The following MAL2 variants were observed in gnomAD, a reference collection of about 807,000 sequenced individuals.
MAL2 encodes the protein protein MAL2.
In MAL2, 17 loss-of-function variants were observed where a neutral mutation model predicts 18.1. The observed-to-expected ratio is 0.94, with a 90% CI of 0.64 to 1.41. The LOEUF (loss-of-function observed/expected upper bound fraction) is 1.41, where lower values mean the gene tolerates loss of function less well. Among genes scored for constraint, MAL2 ranks in the 40% most tolerant of loss-of-function variants. The pLI is 0.00. For synonymous variants in MAL2, 102 were observed against 102.3 expected, an observed-to-expected ratio of 1.00 and a Z score of 0.02; for missense variants, 222 against 231.9, an observed-to-expected ratio of 0.96 and a Z score of 0.28.
chr8:119,235,366 A>G (rs1817859010), intron 2 of MAL2, among the ~76,000 whole-genome samples: 1 of 152,214 alleles, frequency 6.6e-6, no homozygotes, highest in African/African-American at 2.4e-5. Flanking sequence ...ACCAAGTTGG[A>G]AAACACTACA....
intron 2 of MAL2, among the ~76,000 whole-genome samples, chr8:119,235,730 G>A (rs1200167917): frequency 6.7e-6 from 1 of 149,432 alleles, no homozygotes; most frequent in African/African-American, 2.6e-5. Context: ...ATACTTTACA[G>A]ACAAGCAAAT....
At chr8:119,220,570 C>T (rs1817446490) in intron 1 of MAL2, among the ~76,000 whole-genome samples, 1 of 152,190 alleles carries the variant, frequency 6.6e-6, no homozygotes, top group Non-Finnish European at 1.5e-5. Context: ...AGTTCAGTTC[C>T]TTGGCCCGAG....
At chr8:119,237,100 AG>A (rs1159021425) in intron 2 of MAL2, among the ~76,000 whole-genome samples, 2 of 152,204 alleles carry the variant, frequency 1.3e-5, no homozygotes, top group African/African-American at 4.8e-5. Context: ...AAAATGACAA[AG>A]GGGATATCAG....
At chr8:119,240,942 A>G (rs1368127567) in intron 3 of MAL2, among the ~76,000 whole-genome samples, 3 of 151,782 alleles carry the variant, frequency 2.0e-5, no homozygotes, top group African/African-American at 7.3e-5. Context: ...TGTGTAGATA[A>G]TTTGAGGAAA....
intron 1 of MAL2, chr8:119,221,026 A>G (rs1817454394): frequency 1.3e-5 from 2 of 152,908 alleles, no homozygotes; most frequent in African/African-American, 2.4e-5. Flanking sequence ...ACTTATTCCT[A>G]TGTCGAACAC....
At chr8:119,224,258 A>G (rs1817534373) in intron 2 of MAL2, 1 of 152,216 alleles carries the variant, frequency 6.6e-6, no homozygotes, top group East Asian at 1.9e-4. Flanking sequence ...GCCTCATTCT[A>G]TTCTGGGAAA....
intron 1 of MAL2, among the ~76,000 whole-genome samples, chr8:119,211,678 A>G (rs1272012542): frequency 6.7e-6 from 1 of 149,642 alleles, no homozygotes; most frequent in Non-Finnish European, 1.5e-5. Flanking sequence ...AGAATATTAC[A>G]ATCTCACGTG....
chr8:119,215,587 G>C (rs1005528499), intron 1 of MAL2: 1 of 152,208 alleles, frequency 6.6e-6, no homozygotes, highest in African/African-American at 2.4e-5. Context: ...GTCAGTAACC[G>C]TGGAAGCACC....
intron 2 of MAL2, among the ~76,000 whole-genome samples, chr8:119,236,024 T>A (rs1817880418): frequency 1.8e-5 from 1 of 54,164 alleles, no homozygotes; most frequent in Admixed American, 2.2e-4. Flanking sequence ...TCAAGACCCA[T>A]CAGTGTGCTG....
intron 1 of MAL2, among the ~76,000 whole-genome samples, chr8:119,220,447 T>G (rs1236249246): frequency 6.6e-6 from 1 of 152,192 alleles, no homozygotes. Context: ...CATCCACCCT[T>G]TCCTCCCCAG....
At chr8:119,218,217 G>A (rs1366229013) in intron 1 of MAL2, among the ~76,000 whole-genome samples, 3 of 151,992 alleles carry the variant, frequency 2.0e-5, no homozygotes, top group African/African-American at 7.3e-5. Context: ...GTGAGAGAGA[G>A]GGGGCATTCC....
chr8:119,231,099 T>A (rs533487406), intron 2 of MAL2, among the ~76,000 whole-genome samples: 64 of 152,318 alleles, frequency 4.2e-4, no homozygotes, highest in African/African-American at 1.5e-3. Flanking sequence ...TGATGCAGTC[T>A]TGGCTCACTG....
At chr8:119,213,875 C>T (rs1181920159) in intron 1 of MAL2, among the ~76,000 whole-genome samples, 1 of 151,912 alleles carries the variant, frequency 6.6e-6, no homozygotes, top group Admixed American at 6.6e-5. Flanking sequence ...GAAAATAAAC[C>T]AATGCCCCTG....
At chr8:119,209,360 G>T (rs1235001058) in intron 1 of MAL2, among the ~76,000 whole-genome samples, 3 of 152,108 alleles carry the variant, frequency 2.0e-5, no homozygotes, top group African/African-American at 7.2e-5. Context: ...AGCACACTTT[G>T]TTGGGCCCAA....
Position 119,218,276 on chromosome 8 carries a change from A to G in MAL2, c.133-3311A>G, listed in dbSNP as rs183609761. Among the ~76,000 whole-genome samples the G allele has an allele frequency of 1.4e-3, 220 of 152,238 alleles. 1 individual carries two copies. The highest frequency in any genetic ancestry group is 2.6e-3 in the Non-Finnish European group (178 of 68,018). ...CCATGCAGCACATACCCCACAAGTG[A>G]GGAGGTGAATCTGACTCCTGTTCAT... On this transcript the variant is annotated intron_variant, in intron 1 of 3. Transcript: ENST00000614891.
chr8:119,230,375 T>TGAAACCACAATTTAATTCA (rs1357026017), intron 2 of MAL2, among the ~76,000 whole-genome samples: 14 of 150,916 alleles, frequency 9.3e-5, no homozygotes, highest in Non-Finnish European at 1.8e-4. Flanking sequence ...AGGAAAGCCT[T>TGAAACCACAATTTAATTCA]GAAACCACAA....
At chr8:119,222,539 A>G (rs1009277707) in intron 2 of MAL2, among the ~76,000 whole-genome samples, 2 of 150,744 alleles carry the variant, frequency 1.3e-5, no homozygotes, top group Admixed American at 1.3e-4. Flanking sequence ...AAAAAAAAAG[A>G]ATTTGTGACC....
At position 119,240,218 on chromosome 8, in the gene MAL2, G is replaced by T; in HGVS notation, c.357G>T (p.Leu119Phe). ...VFVFYFGAFL[L>F]EAAATSLHDL... ...TCTTCTATTTTGGAGCCTTTTTATT[G>T]GAAGCAGCAGCCACATCCCTGCATG... Residue 119 changes from leucine (L) to phenylalanine (F), a missense_variant, in exon 3 of 4, where the codon TTG (leucine) becomes TTT (phenylalanine). Coordinates refer to ENST00000614891, the MANE Select transcript of MAL2 (RefSeq NM_052886.3). The T allele has an allele frequency of 6.2e-7, 1 of 1,613,294 alleles. No homozygotes were observed. The highest frequency in any genetic ancestry group is 8.5e-7 in the Non-Finnish European group (1 of 1,179,712).
chr8:119,221,682 TTTC>T lies in MAL2; in HGVS notation c.231_233del (p.Phe78del). On this transcript the variant is annotated inframe_deletion, in exon 2 of 4. Transcript: ENST00000614891. ...TCATGTTTGTGTCCGTGACAGCGTT[TTTC>T]TTTTCGCTCCTCTTTCTGGGCATGT... 6.2e-7 allele frequency: 1 copy of T among 1,613,940 alleles called. No homozygotes were observed. The highest frequency in any genetic ancestry group is 8.5e-7 in the Non-Finnish European group (1 of 1,179,840).
Sources: gnomAD v4.1 joint callset for allele counts (sites outside exome capture counted in the v4.1 genomes callset) on GRCh38, gnomAD v4.1.1 for gene constraint, MANE v1.5 for transcripts, NCBI Gene and HGNC (gene_info 2026-07-23, HGNC 2026-07-21) for gene names.